Variants in WDR41 observed in about 807,000 individuals in gnomAD.
WDR41 encodes the protein WD repeat-containing protein 41.
WDR41 carries 63 observed loss-of-function variants against 69.3 expected under a neutral mutation model. That is an observed-to-expected ratio of 0.91 (90% confidence interval 0.74 to 1.12). WDR41 has a LOEUF of 1.12. Ranked by LOEUF, WDR41 falls within the 50% of genes most tolerant of loss-of-function variation. The probability of loss-of-function intolerance (pLI) is 0.00; values close to 1 mark genes in which losing one functional copy is unlikely to be tolerated. For missense variants in WDR41, 543 were observed against 534.5 expected (o/e 1.02, Z -0.16); for synonymous variants, 185 against 192.1 (o/e 0.96, Z 0.31).
At chr5:77,469,929 G>A (rs973859532) in intron 2 of WDR41, among the ~76,000 whole-genome samples, 5 of 151,654 alleles carry the variant, frequency 3.3e-5, no homozygotes, top group African/African-American at 9.7e-5. Context: ...TACAGAGAAC[G>A]CCACAAAGAT....
intron 6 of WDR41, among the ~76,000 whole-genome samples, chr5:77,453,450 G>A (rs892986510): frequency 6.6e-6 from 1 of 152,040 alleles, no homozygotes; most frequent in Admixed American, 6.6e-5. Flanking sequence ...GATCTTTTTG[G>A]TAAGGACAAT....
At chr5:77,526,547 T>C (rs894151816) in intron 1 of WDR41, among the ~76,000 whole-genome samples, 15 of 152,138 alleles carry the variant, frequency 9.9e-5, no homozygotes, top group Non-Finnish European at 2.2e-4. Flanking sequence ...GTACCTTAGT[T>C]ACAAGGGCCT....
intron 1 of WDR41, among the ~76,000 whole-genome samples, chr5:77,598,004 C>T (rs1744256035): frequency 6.6e-6 from 1 of 152,182 alleles, no homozygotes; most frequent in Non-Finnish European, 1.5e-5. Context: ...TGGGCAGTGA[C>T]TTAACCTCTC....
chr5:77,476,011 A>G (rs1800906320), intron 2 of WDR41, among the ~76,000 whole-genome samples: 1 of 152,216 alleles, frequency 6.6e-6, no homozygotes, highest in Admixed American at 6.5e-5. Flanking sequence ...AGGCTCCAGA[A>G]CTACATGAAG....
chr5:77,578,623 C>T (rs1743877847), intron 1 of WDR41, among the ~76,000 whole-genome samples: 1 of 152,066 alleles, frequency 6.6e-6, no homozygotes, highest in Non-Finnish European at 1.5e-5. Context: ...CATGGTGGCT[C>T]ACGCCTGTAA....
intron 1 of WDR41, among the ~76,000 whole-genome samples, chr5:77,552,677 G>T (rs1217568517): frequency 6.6e-6 from 1 of 152,142 alleles, no homozygotes; most frequent in Non-Finnish European, 1.5e-5. Context: ...AGAGAGTGTG[G>T]TGTGGGCAGA....
At chr5:77,604,355 C>T (rs1744376530) in intron 1 of WDR41, among the ~76,000 whole-genome samples, 1 of 152,032 alleles carries the variant, frequency 6.6e-6, no homozygotes, top group African/African-American at 2.4e-5. Context: ...ATGGAATTGC[C>T]TTCTTGATTT....
intron 1 of WDR41, among the ~76,000 whole-genome samples, chr5:77,552,505 C>T (rs1019723951): frequency 5.9e-5 from 9 of 152,124 alleles, no homozygotes; most frequent in African/African-American, 2.2e-4. Flanking sequence ...ATCAAAATCC[C>T]AGCAATATTT....
At chr5:77,609,906 T>G (rs920496259) in intron 1 of WDR41, among the ~76,000 whole-genome samples, 2 of 152,088 alleles carry the variant, frequency 1.3e-5, no homozygotes, top group Non-Finnish European at 2.9e-5. Context: ...TTAAAAACTT[T>G]GAAAAAAATT....
chr5:77,606,905 G>GAAAAAAAAAAAAAAAAAAAAAA (rs1195622632), intron 1 of WDR41, among the ~76,000 whole-genome samples: 1 of 85,648 alleles, frequency 1.2e-5, no homozygotes. Flanking sequence ...CAATGAAAAA[G>GAAAAAAAAAAAAAAAAAAAAAA]AAAAAAAAAA....
chr5:77,503,906 T>G (rs775798781), intron 1 of WDR41, among the ~76,000 whole-genome samples: 78 of 152,114 alleles, frequency 5.1e-4, no homozygotes, highest in Non-Finnish European at 1.0e-3. Context: ...TAGCACTAAA[T>G]GCCCACAAGG....
intron 1 of WDR41, among the ~76,000 whole-genome samples, chr5:77,607,192 T>G (rs947986466): frequency 6.6e-6 from 1 of 152,156 alleles, no homozygotes; most frequent in African/African-American, 2.4e-5. Context: ...GATAAAAAGT[T>G]CATATGGAAC....
intron 1 of WDR41, among the ~76,000 whole-genome samples, chr5:77,537,817 T>C (rs1215536657): frequency 6.6e-6 from 1 of 152,078 alleles, no homozygotes; most frequent in Non-Finnish European, 1.5e-5. Flanking sequence ...GCCTGGTAAG[T>C]GTAAGTGCTC....
intron 1 of WDR41, among the ~76,000 whole-genome samples, chr5:77,580,951 G>A (rs551903292): frequency 3.2e-4 from 49 of 151,436 alleles, no homozygotes; most frequent in African/African-American, 5.8e-4. Context: ...GCAAGACTCC[G>A]TCTCAAAAAT....
intron 1 of WDR41, among the ~76,000 whole-genome samples, chr5:77,589,061 A>T (rs898938442): frequency 6.6e-6 from 1 of 152,146 alleles, no homozygotes; most frequent in Non-Finnish European, 1.5e-5. Flanking sequence ...AGAGAAACTG[A>T]CACCTTATTC....
intron 5 of WDR41, among the ~76,000 whole-genome samples, chr5:77,458,524 T>C (rs1186207505): frequency 6.6e-6 from 1 of 152,172 alleles, no homozygotes; most frequent in Non-Finnish European, 1.5e-5. Flanking sequence ...AAGTCTTATC[T>C]ATGTTTGTTT....
chr5:77,579,755 A>T (rs1743903287), intron 1 of WDR41, among the ~76,000 whole-genome samples: 1 of 152,248 alleles, frequency 6.6e-6, no homozygotes, highest in African/African-American at 2.4e-5. Context: ...TTAATTATGT[A>T]ATCAGAAAAG....
intron 1 of WDR41, among the ~76,000 whole-genome samples, chr5:77,512,745 C>CAAAAAAAAA (rs71606301): frequency 5.4e-5 from 4 of 74,082 alleles, no homozygotes; most frequent in African/African-American, 9.6e-5. Context: ...GACTCCATCT[C>CAAAAAAAAA]AAAAAAAAAA....
chr5:77,506,258 A>AT (rs1486699788), intron 1 of WDR41, among the ~76,000 whole-genome samples: 1 of 152,222 alleles, frequency 6.6e-6, no homozygotes, highest in Admixed American at 6.5e-5. Flanking sequence ...AAAAGAAGAC[A>AT]TTTATGCAGC....
Sources: gnomAD v4.1 joint callset for allele counts (sites outside exome capture counted in the v4.1 genomes callset) on GRCh38, gnomAD v4.1.1 for gene constraint, MANE v1.5 for transcripts, NCBI Gene and HGNC (gene_info 2026-07-23, HGNC 2026-07-21) for gene names.